The following SSH2 variants were observed in gnomAD, a reference collection of about 807,000 sequenced individuals.
SSH2 encodes the protein slingshot protein phosphatase 2.
In SSH2, 37 loss-of-function variants were observed where a neutral mutation model predicts 135.2. The ratio of observed to expected loss-of-function variants is 0.27; its 90% CI spans 0.21 to 0.36. The LOEUF (loss-of-function observed/expected upper bound fraction) is 0.36. SSH2 is among the 10% of genes least tolerant of loss of function. The pLI is 1.00. For missense variants in SSH2, 1,408 were observed against 1,765.3 expected (o/e 0.80, Z 3.63); for synonymous variants, 628 against 646.2 (o/e 0.97, Z 0.43).
intron 5 of SSH2, among the ~76,000 whole-genome samples, chr17:29,691,427 G>T (rs1048035814): frequency 6.6e-6 from 1 of 151,816 alleles, no homozygotes; most frequent in African/African-American, 2.4e-5. Flanking sequence ...TACAGTTAAT[G>T]CTTGATGCCT....
At chr17:29,662,260 AG>A (rs1268430941) in intron 11 of SSH2, among the ~76,000 whole-genome samples, 1 of 152,234 alleles carries the variant, frequency 6.6e-6, no homozygotes, top group African/African-American at 2.4e-5. Flanking sequence ...CTCAGGAAAT[AG>A]CCTTGCTGGA....
chr17:29,911,094 T>G (rs534179460), intron 1 of SSH2, among the ~76,000 whole-genome samples: 43 of 152,334 alleles, frequency 2.8e-4, no homozygotes, highest in South Asian at 2.7e-3. Flanking sequence ...ATGCTACACC[T>G]ATGGTAACAG....
intron 3 of SSH2, chr17:29,776,264 G>T (rs1358861608): frequency 1.4e-4 from 21 of 152,140 alleles, no homozygotes; most frequent in Admixed American, 1.4e-3. Context: ...GGATCTTTGA[G>T]CTGAATAGGT....
intron 6 of SSH2, among the ~76,000 whole-genome samples, chr17:29,681,115 C>T (rs559517442): frequency 4.6e-5 from 7 of 151,482 alleles, no homozygotes; most frequent in Non-Finnish European, 1.0e-4. Flanking sequence ...CAGAGGCGGG[C>T]GGATCACGAG....
chr17:29,683,439 G>A (rs1343529382), intron 6 of SSH2, among the ~76,000 whole-genome samples: 5 of 152,056 alleles, frequency 3.3e-5, no homozygotes, highest in African/African-American at 1.2e-4. Flanking sequence ...GAGCCATCCC[G>A]TACCACCCCA....
chr17:29,805,257 G>A (rs1212975103), intron 2 of SSH2, among the ~76,000 whole-genome samples: 1 of 151,954 alleles, frequency 6.6e-6, no homozygotes, highest in Admixed American at 6.6e-5. Context: ...CCGGGTTCAC[G>A]CCATTCTCCT....
At chr17:29,821,158 C>G (rs1027520011) in intron 2 of SSH2, among the ~76,000 whole-genome samples, 3 of 152,236 alleles carry the variant, frequency 2.0e-5, no homozygotes, top group African/African-American at 7.2e-5. Flanking sequence ...TGATCTTCAA[C>G]TGGGTATAAG....
intron 3 of SSH2, among the ~76,000 whole-genome samples, chr17:29,783,102 T>G (rs560138327): frequency 3.9e-5 from 6 of 151,906 alleles, no homozygotes; most frequent in Non-Finnish European, 2.9e-5. Context: ...GGCTCAGAGA[T>G]AAAATCACAG....
chr17:29,922,075 G>T (rs2066986260), intron 1 of SSH2, among the ~76,000 whole-genome samples: 1 of 152,072 alleles, frequency 6.6e-6, no homozygotes, highest in African/African-American at 2.4e-5. Context: ...TTTAAGCTGA[G>T]ACCTGAAGGA....
At chr17:29,867,975 G>C (rs943462088) in intron 1 of SSH2, among the ~76,000 whole-genome samples, 5 of 152,128 alleles carry the variant, frequency 3.3e-5, no homozygotes, top group Non-Finnish European at 7.3e-5. Context: ...ATAGCATTCT[G>C]ACCACAAGAT....
At chr17:29,660,096 G>C (rs190512342) in intron 11 of SSH2, among the ~76,000 whole-genome samples, 183 of 152,082 alleles carry the variant, frequency 1.2e-3, no homozygotes, top group African/African-American at 4.2e-3. Context: ...CCAAAGTGCT[G>C]GGATTACAGG....
chr17:29,698,935 A>G (rs1400435554), intron 4 of SSH2, among the ~76,000 whole-genome samples: 1 of 152,176 alleles, frequency 6.6e-6, no homozygotes, highest in East Asian at 1.9e-4. Context: ...ACTGGCCCAA[A>G]GATTCAGCTG....
At chr17:29,914,452 C>A (rs1299593880) in intron 1 of SSH2, among the ~76,000 whole-genome samples, 1 of 150,870 alleles carries the variant, frequency 6.6e-6, no homozygotes, top group Non-Finnish European at 1.5e-5. Context: ...GTAGTCCCAG[C>A]TATTTGGCAG....
chr17:29,843,333 G>A (rs1044860252), intron 2 of SSH2, among the ~76,000 whole-genome samples: 2 of 152,040 alleles, frequency 1.3e-5, no homozygotes, highest in African/African-American at 2.4e-5. Flanking sequence ...TCAGGAGTTC[G>A]AGACCAGCCT....
At chr17:29,690,201 C>G (rs140256897) in intron 5 of SSH2, among the ~76,000 whole-genome samples, 5,092 of 151,820 alleles carry the variant, frequency 0.034, 125 homozygotes, top group African/African-American at 0.063. Context: ...GTCGGGAGTT[C>G]AAGACCAGCC....
chr17:29,636,569 ATTCT>A lies in SSH2; in HGVS notation c.1657_1660del (p.Arg553Ter). 6.2e-7 allele frequency: 1 copy of A among 1,614,222 alleles called. No homozygotes were observed. The highest frequency in any genetic ancestry group is 8.5e-7 in the Non-Finnish European group (1 of 1,180,032). On this transcript the variant is annotated frameshift_variant, in exon 15 of 16. Transcript: ENST00000540801. LOFTEE classifies it high-confidence loss of function. The stretch of plus-strand genomic sequence containing the variant: ...CCTAGAAGTAAACTCCAAGCAGATC[ATTCT>A]TTCTTTGGTACACAGGCCTTTCTGA...
rs116386412 is a variant in SSH2 at position 29,828,733 on chromosome 17, C to T, written c.144+20116G>A. ...GGAGACATTATTAACATTTCAAATA[C>T]TATCAACAATTAACCTTGATCAACC... On this transcript the variant is annotated intron_variant, in intron 2 of 15. Transcript: ENST00000540801. Among the ~76,000 whole-genome samples, 786 of 152,282 alleles carry T rather than the reference C, an allele frequency of 5.2e-3. 6 individuals are homozygous for T. Among genetic ancestry groups the T allele is most frequent in the African/African-American group, 0.018 (740 of 41,544 alleles).
In SSH2 at chr17:29,891,831, T is replaced by C. The variant is rs148692376; in HGVS notation, c.63+38107A>G. ...GAATATTTAATCTTGCACAATTTTATGGTTATAAGTCAGAACCTTATGTTC... is the reference window on the plus strand; with the variant it reads ...GAATATTTAATCTTGCACAATTTTACGGTTATAAGTCAGAACCTTATGTTC... On this transcript the variant is annotated intron_variant, in intron 1 of 15. Coordinates refer to ENST00000540801, the MANE Select transcript of SSH2 (RefSeq NM_001282129.2). 1.6e-3 allele frequency among the ~76,000 whole-genome samples: 237 copies of C among 152,318 alleles called. 1 individual carries two copies. The highest frequency in any genetic ancestry group is 5.4e-3 in the African/African-American group (225 of 41,570).
chr17:29,865,062 C>T (rs2065831292), intron 1 of SSH2, among the ~76,000 whole-genome samples: 1 of 152,190 alleles, frequency 6.6e-6, no homozygotes, highest in Non-Finnish European at 1.5e-5. Flanking sequence ...AACAGTTAAG[C>T]AGTGGGTTTC....
Sources: gnomAD v4.1 joint callset for allele counts (sites outside exome capture counted in the v4.1 genomes callset) on GRCh38, gnomAD v4.1.1 for gene constraint, MANE v1.5 for transcripts, NCBI Gene and HGNC (gene_info 2026-07-23, HGNC 2026-07-21) for gene names.